KIF21B: variants seen among roughly 807,000 people sequenced by gnomAD.
KIF21B encodes the protein kinesin-like protein KIF21B.
Under a neutral mutation model 192.9 loss-of-function variants are expected in KIF21B, and 85 were observed. The ratio of observed to expected loss-of-function variants is 0.44; its 90% CI spans 0.37 to 0.53. The LOEUF (loss-of-function observed/expected upper bound fraction) is 0.53. Ranked by LOEUF, KIF21B falls within the 20% of genes least tolerant of loss-of-function variation. KIF21B has a pLI of 0.00. For synonymous variants in KIF21B, 832 were observed against 884.6 expected (o/e 0.94, Z 1.05); for missense variants, 1,716 against 2,194.8 (o/e 0.78, Z 4.36).
In KIF21B at chr1:200,970,125, C is replaced by T. The variant is rs1313191484; in HGVS notation, c.*3396G>A. The T allele has an allele frequency of 1.3e-5, 2 of 152,868 alleles. No homozygotes were observed. Among genetic ancestry groups the T allele is most frequent in the South Asian group, 2.1e-4 (1 of 4,836 alleles). The allele number at this position is 152,868 out of a possible 1,614,324, so 9.5% of individuals were successfully genotyped here. On this transcript the variant is annotated 3_prime_UTR_variant, in exon 35 of 35. Transcript: ENST00000461742. ...TGCCTGCTCCCAGCCCAGACCACAT[C>T]GGGGGATGCCCCCCAGAGCTGAGAG...
In KIF21B at chr1:200,987,145, G is replaced by T. The variant is rs1227968977; in HGVS notation, c.3465C>A (p.Pro1155=). The T allele has an allele frequency of 4.3e-6, 7 of 1,613,958 alleles. No individual in the cohort carries two copies. In the African/African-American group the frequency reaches 6.7e-5, roughly 15 times the overall value. ...TGTTCTTGGTGGAGATATCCAGTGG[G>T]GGGCCCAGGCACTCAGCCGACACAG... ...MKAVSAECLG[P]PLDISTKNIT... is the part of the protein sequence containing the mutation. Residue 1155 remains proline, a synonymous_variant, in exon 25 of 35, where the codon CCC becomes CCA. Transcript: ENST00000461742.
At position 200,998,641 on chromosome 1, in the gene KIF21B, C is replaced by A; in HGVS notation, c.1886-66G>T. ...GGGGCAAATTGGGGAGCAGATGTGC[C>A]AGTGCTGGGGAGCTGGGACCCTCCT... On this transcript the variant is annotated intron_variant, in intron 13 of 34. Transcript: ENST00000461742. This position sits in a 1 kb window ranked among gnomAD's most constrained non-coding sequence, Gnocchi z 4.3. 1 of 1,487,624 alleles carries A rather than the reference C, an allele frequency of 6.7e-7. No homozygotes were observed. The highest frequency in any genetic ancestry group is 1.2e-5 in the South Asian group (1 of 84,726). 92.2% of individuals were successfully genotyped at this position (1,487,624 alleles called of 1,614,324 possible).
intron 26 of KIF21B, 93 bp from the exon 27 acceptor site, chr1:200,985,065 GC>G: frequency 3.8e-6 from 3 of 781,298 alleles, no homozygotes; most frequent in Non-Finnish European, 6.1e-6. Flanking sequence ...GCCTTGTGAG[GC>G]CCGCAGGACA....
chr1:201,017,116 A>G lies in KIF21B; in HGVS notation c.41+6227T>C, dbSNP rs1571974262. Reference sequence around the variant, plus strand: ...AACGCTAAGGGTCAGGCAGGCTAACAGGGGAGGGGGTGCCTGCCATGAGGC... The same window carrying G: ...AACGCTAAGGGTCAGGCAGGCTAACGGGGGAGGGGGTGCCTGCCATGAGGC... On this transcript the variant is annotated intron_variant, in intron 1 of 34. Coordinates refer to ENST00000461742, the MANE Select transcript of KIF21B (RefSeq NM_001252102.2). This position sits in a 1 kb window ranked among gnomAD's most constrained non-coding sequence, Gnocchi z 4.1. 6.6e-6 allele frequency among the ~76,000 whole-genome samples: 1 copy of G among 151,924 alleles called. No individual in the cohort carries two copies. The highest frequency in any genetic ancestry group is 1.5e-5 in the Non-Finnish European group (1 of 67,950).
intron 1 of KIF21B, among the ~76,000 whole-genome samples, chr1:201,016,378 C>T (rs1337676804): frequency 6.6e-6 from 1 of 152,202 alleles, no homozygotes; most frequent in East Asian, 1.9e-4. Flanking sequence ...AGTACGGAGT[C>T]GGGAACCCAG....
intron 9 of KIF21B, 115 bp downstream of exon 9, chr1:201,002,046 G>T: frequency 1.1e-6 from 1 of 870,226 alleles, no homozygotes. Context: ...GCATAAATGA[G>T]TTGAACTATG....
In KIF21B at chr1:201,021,961, C is replaced by T. The variant is rs1179022354; in HGVS notation, c.41+1382G>A. On this transcript the variant is annotated intron_variant, in intron 1 of 34. Coordinates refer to ENST00000461742, the MANE Select transcript of KIF21B (RefSeq NM_001252102.2). Reference sequence around the variant, plus strand: ...GTCAGCCCCAGCAGCAGCCTGGCCCCGCCCCAGTCAGCCCACCAGGCACCT... The same window carrying T: ...GTCAGCCCCAGCAGCAGCCTGGCCCTGCCCCAGTCAGCCCACCAGGCACCT... Among the ~76,000 whole-genome samples, 6 of 152,204 alleles carry T rather than the reference C, an allele frequency of 3.9e-5. No individual in the cohort carries two copies. The East Asian group carries it at 1.2e-3, about 29-fold the overall frequency.
rs750448381 is a variant in KIF21B at position 200,986,893 on chromosome 1, T to C, written c.3640A>G (p.Thr1214Ala). ...TFPRQSRATE[T>A]SPLTRRKSYD... is the part of the protein sequence containing the mutation. ...GACTTCCTTCTCGTCAGCGGGGACGTCTCTGTGGCTCGAGATTGCCTAGGG... is the reference window on the plus strand; with the variant it reads ...GACTTCCTTCTCGTCAGCGGGGACGCCTCTGTGGCTCGAGATTGCCTAGGG... The change falls in exon 26 of 35, where the codon ACG becomes GCG. Residue 1214 changes from threonine to alanine, a missense_variant. Physicochemically the swap from Thr to Ala is moderately conservative, Grantham distance 58. Coordinates refer to ENST00000461742, the MANE Select transcript of KIF21B (RefSeq NM_001252102.2). 1.2e-6 allele frequency: 2 copies of C among 1,613,862 alleles called. No homozygotes were observed. The highest frequency in any genetic ancestry group is 1.7e-6 in the Non-Finnish European group (2 of 1,179,862).
Position 200,975,647 on chromosome 1 carries a change from A to G in KIF21B, c.4466T>C (p.Val1489Ala), listed in dbSNP as rs776131067. The G allele has an allele frequency of 6.2e-7, 1 of 1,612,706 alleles. No homozygotes were observed. Among genetic ancestry groups the G allele is most frequent in the Admixed American group, 1.7e-5 (1 of 59,944 alleles). Residue 1489 changes from valine (V) to alanine (A), a missense_variant, in exon 33 of 35, where the codon GTG (valine) becomes GCG (alanine). Transcript: ENST00000461742. The surrounding 1 kb of genome is among the most constrained non-coding windows in gnomAD (Gnocchi z 4.3). ...GTGAGTGGGGCCGATGGTGCCCGTC[A>G]CACACTCGCCCAGCTCGAACATCTG... ...YVKMFELGECVTGTIGPTHNF... is the reference protein window; with the variant it reads ...YVKMFELGECATGTIGPTHNF...
chr1:200,985,525 G>T (rs1656225886), intron 26 of KIF21B, among the ~76,000 whole-genome samples: 1 of 152,044 alleles, frequency 6.6e-6, no homozygotes, highest in Admixed American at 6.6e-5. Context: ...CAGCAAGGCA[G>T]GTGGCAAGAG....
intron 3 of KIF21B, among the ~76,000 whole-genome samples, chr1:201,006,306 A>G (rs899835205): frequency 6.6e-6 from 1 of 152,166 alleles, no homozygotes; most frequent in African/African-American, 2.4e-5. Context: ...CAGTCACCCC[A>G]TTTCAGGTGG....
rs369505900 is a variant in KIF21B at position 201,000,809 on chromosome 1, C to G, written c.1403-29G>C. On this transcript the variant is annotated intron_variant, in intron 9 of 34. Coordinates refer to ENST00000461742, the MANE Select transcript of KIF21B (RefSeq NM_001252102.2). The surrounding 1 kb of genome is among the most constrained non-coding windows in gnomAD (Gnocchi z 6.0). ...GAGTGGGACGGCGGGAAGAAGGGTG[C>G]GATAAAGAAGATAAATAGGCCAGCG... 2 of 1,612,946 alleles carry G rather than the reference C, an allele frequency of 1.2e-6. No homozygotes were observed. Among genetic ancestry groups the G allele is most frequent in the Non-Finnish European group, 1.7e-6 (2 of 1,179,022 alleles).
At position 200,973,516 on chromosome 1, in the gene KIF21B, C is replaced by T. The variant is rs1655335681; in HGVS notation, c.*5G>A. On this transcript the variant is annotated 3_prime_UTR_variant, in exon 35 of 35. Transcript: ENST00000461742. ...GGGTCCGGGGGCATCCCTCTGACCT[C>T]ACTCCTAGGGTGGGCCGCTGTGGGG... The T allele has an allele frequency of 6.8e-7, 1 of 1,462,396 alleles. No homozygotes were observed. Among genetic ancestry groups the T allele is most frequent in the Middle Eastern group, 1.7e-4 (1 of 5,738 alleles). 90.6% of individuals were successfully genotyped at this position (1,462,396 alleles called of 1,614,324 possible). A position where few individuals can be genotyped will look rare whatever the true frequency, so the allele number is the denominator to read the frequency against.
intron 8 of KIF21B, chr1:201,003,237 T>A: frequency 2.7e-6 from 1 of 367,730 alleles, no homozygotes; most frequent in Non-Finnish European, 5.2e-6. Context: ...AGTCTAGCAG[T>A]CTTACCTGTT....
chr1:201,002,398 T>TG (rs574224967), intron 8 of KIF21B, 48 bp from the exon 9 acceptor site: 55,977 of 1,568,050 alleles, frequency 0.036, 2,214 homozygotes, highest in East Asian at 0.22. Context: ...AGCTCGCGGT[T>TG]GGGGGGGTAA....
chr1:200,988,193 T>C, intron 24 of KIF21B, 103 bp downstream of exon 24: 2 of 1,148,728 alleles, frequency 1.7e-6, no homozygotes, highest in Non-Finnish European at 2.6e-6. Flanking sequence ...GGGGACAACA[T>C]TGTGTTGTGG....
chr1:200,977,898 C>A (rs557089198), intron 30 of KIF21B, among the ~76,000 whole-genome samples: 1 of 151,316 alleles, frequency 6.6e-6, no homozygotes, highest in East Asian at 1.9e-4. Flanking sequence ...CCATCCCAAG[C>A]TGATTTTGTA....
chr1:201,001,928 A>G, intron 9 of KIF21B: 1 of 564,844 alleles, frequency 1.8e-6, no homozygotes, highest in Non-Finnish European at 3.2e-6. Context: ...GGCGATTTTA[A>G]TCTTTCACTT....
At chr1:200,980,085 T>C (rs916610193) in intron 29 of KIF21B, among the ~76,000 whole-genome samples, 1 of 152,172 alleles carries the variant, frequency 6.6e-6, no homozygotes. Context: ...AATGAACCAG[T>C]GCAAGCAAAT....
Sources: allele counts gnomAD v4.1 joint callset (sites outside exome capture counted in the v4.1 genomes callset), GRCh38; gene constraint gnomAD v4.1.1; non-coding constraint Gnocchi (gnomAD v3.1); transcripts MANE v1.5; gene names NCBI Gene and HGNC (gene_info 2026-07-23, HGNC 2026-07-21).